The following FARS2 variants were observed in gnomAD, a reference collection of about 807,000 sequenced individuals.
FARS2 encodes the protein phenylalanyl-tRNA synthetase 2, mitochondrial.
A neutral mutation model predicts 46.4 loss-of-function variants in FARS2; 40 were observed. The ratio of observed to expected loss-of-function variants is 0.86; its 90% CI spans 0.67 to 1.12. The LOEUF (loss-of-function observed/expected upper bound fraction) is 1.12. FARS2 is among the 50% of genes most tolerant of loss of function. FARS2 has a pLI of 0.00. For synonymous variants in FARS2, 234 were observed against 214.9 expected, an observed-to-expected ratio of 1.09 and a Z score of -0.78; for missense variants, 513 against 567.9, an observed-to-expected ratio of 0.90 and a Z score of 0.98.
At chr6:5,586,667 C>CT (rs1003519401) in intron 5 of FARS2, among the ~76,000 whole-genome samples, 2 of 151,898 alleles carry the variant, frequency 1.3e-5, no homozygotes, top group African/African-American at 4.8e-5. Flanking sequence ...TTCTTTCTTT[C>CT]TTTTGTAGTA....
At chr6:5,264,970 GTT>G (rs55760923) in intron 1 of FARS2, among the ~76,000 whole-genome samples, 1 of 136,192 alleles carries the variant, frequency 7.3e-6, no homozygotes, top group Admixed American at 7.4e-5. Flanking sequence ...ATTTTTAAGT[GTT>G]TTTTTTTTTT....
intron 6 of FARS2, among the ~76,000 whole-genome samples, chr6:5,626,325 G>C (rs986475021): frequency 3.9e-5 from 6 of 152,148 alleles, no homozygotes; most frequent in African/African-American, 7.2e-5. Flanking sequence ...CCTACCTGCT[G>C]TCATGGATCC....
intron 1 of FARS2, among the ~76,000 whole-genome samples, chr6:5,339,715 A>T (rs1157458424): frequency 1.3e-5 from 2 of 152,220 alleles, no homozygotes; most frequent in African/African-American, 4.8e-5. Context: ...GATTACAGGC[A>T]TGAGCCATAG....
At chr6:5,717,150 A>G (rs1239628677) in intron 6 of FARS2, among the ~76,000 whole-genome samples, 1 of 152,204 alleles carries the variant, frequency 6.6e-6, no homozygotes, top group Admixed American at 6.5e-5. Context: ...AAGGTAGATA[A>G]GAGAAATGTG....
At chr6:5,442,414 T>TACAC (rs140280522) in intron 4 of FARS2, among the ~76,000 whole-genome samples, 32 of 150,316 alleles carry the variant, frequency 2.1e-4, no homozygotes, top group East Asian at 9.8e-4. Context: ...TATATATATA[T>TACAC]ACACACACAC....
chr6:5,709,700 GC>G (rs1759000587), intron 6 of FARS2, among the ~76,000 whole-genome samples: 1 of 145,750 alleles, frequency 6.9e-6, no homozygotes, highest in African/African-American at 2.6e-5. Flanking sequence ...GTGTGTGTGC[GC>G]ATGCACGTGC....
At chr6:5,683,796 G>A (rs1234982628) in intron 6 of FARS2, among the ~76,000 whole-genome samples, 2 of 152,152 alleles carry the variant, frequency 1.3e-5, no homozygotes, top group East Asian at 3.9e-4. Context: ...ACAGGCCCCG[G>A]TATGTGATGT....
At chr6:5,268,297 G>A (rs1325073873) in intron 1 of FARS2, among the ~76,000 whole-genome samples, 1 of 151,752 alleles carries the variant, frequency 6.6e-6, no homozygotes. Flanking sequence ...TGTCCTGAAT[G>A]GTATTGCCTA....
intron 2 of FARS2, among the ~76,000 whole-genome samples, chr6:5,389,213 A>G (rs1203194658): frequency 2.6e-5 from 4 of 152,246 alleles, no homozygotes; most frequent in Non-Finnish European, 5.9e-5. Context: ...TTCTTGGACA[A>G]TGCAAAAATG....
intron 4 of FARS2, among the ~76,000 whole-genome samples, chr6:5,444,092 C>CGTGTGTGTGTGTGTGT (rs35213574): frequency 6.7e-4 from 98 of 146,312 alleles, no homozygotes; most frequent in Middle Eastern, 6.9e-3. Flanking sequence ...GGAAGATCCT[C>CGTGTGTGTGTGTGTGT]GTGTGTGTGT....
intron 2 of FARS2, among the ~76,000 whole-genome samples, chr6:5,395,114 G>C (rs1186658644): frequency 1.3e-5 from 2 of 152,112 alleles, no homozygotes; most frequent in Admixed American, 1.3e-4. Context: ...GCAATGGTGT[G>C]ATCTTGGCTC....
intron 5 of FARS2, among the ~76,000 whole-genome samples, chr6:5,584,134 C>CACACAT (rs1554112965): frequency 6.6e-6 from 1 of 151,294 alleles, no homozygotes; most frequent in Non-Finnish European, 1.5e-5. Flanking sequence ...CACACACACA[C>CACACAT]ACACACACTC....
At chr6:5,672,842 G>T (rs905688367) in intron 6 of FARS2, among the ~76,000 whole-genome samples, 6 of 152,270 alleles carry the variant, frequency 3.9e-5, no homozygotes, top group Admixed American at 2.0e-4. Flanking sequence ...GGAGTTTGGA[G>T]ACACTGTATT....
At chr6:5,635,725 T>G (rs1776515070) in intron 6 of FARS2, among the ~76,000 whole-genome samples, 1 of 152,122 alleles carries the variant, frequency 6.6e-6, no homozygotes, top group Non-Finnish European at 1.5e-5. Flanking sequence ...AGGCCTCATG[T>G]CGTTGTTTCC....
At position 5,764,689 on chromosome 6, in the gene FARS2, G is replaced by T. The variant is rs1762660089; in HGVS notation, c.1218-6602G>T. On this transcript the variant is annotated intron_variant, in intron 6 of 6. Coordinates refer to ENST00000274680, the MANE Select transcript of FARS2 (RefSeq NM_006567.5). The surrounding 1 kb of genome is among the most constrained non-coding windows in gnomAD (Gnocchi z 4.1). ...CACCATCCAAGAACATGAAGTCGCT[G>T]CTCTGTCACAGATGGAGAAGCAGAC... Among the ~76,000 whole-genome samples, 1 of 152,208 alleles carries T rather than the reference G, an allele frequency of 6.6e-6. No homozygotes were observed. Among genetic ancestry groups the T allele is most frequent in the Admixed American group, 6.5e-5 (1 of 15,282 alleles).
intron 4 of FARS2, among the ~76,000 whole-genome samples, chr6:5,482,697 G>T (rs936568053): frequency 6.6e-6 from 1 of 152,144 alleles, no homozygotes; most frequent in African/African-American, 2.4e-5. Context: ...AAGGTGCTGG[G>T]GAAGCACAGA....
intron 3 of FARS2, among the ~76,000 whole-genome samples, chr6:5,428,042 C>G (rs1241360247): frequency 6.6e-4 from 101 of 152,174 alleles, no homozygotes; most frequent in Non-Finnish European, 3.8e-4. Flanking sequence ...ACCAGCAGCT[C>G]TAGTGGGTGT....
At chr6:5,485,778 G>A (rs1355218041) in intron 4 of FARS2, among the ~76,000 whole-genome samples, 1 of 152,284 alleles carries the variant, frequency 6.6e-6, no homozygotes, top group East Asian at 1.9e-4. Context: ...CTGTCCTGCA[G>A]GGTGGCCATG....
intron 5 of FARS2, among the ~76,000 whole-genome samples, chr6:5,551,138 T>G (rs1274389531): frequency 6.6e-6 from 1 of 152,242 alleles, no homozygotes; most frequent in African/African-American, 2.4e-5. Context: ...GCATTTTCAC[T>G]GTTTGCTTGG....
Sources: gnomAD v4.1 joint callset for allele counts (sites outside exome capture counted in the v4.1 genomes callset) on GRCh38, gnomAD v4.1.1 for gene constraint, Gnocchi (gnomAD v3.1) non-coding constraint, MANE v1.5 for transcripts, NCBI Gene and HGNC (gene_info 2026-07-23, HGNC 2026-07-21) for gene names.